Variants in ANKRD20A1 observed in about 807,000 individuals in gnomAD.
ANKRD20A1 encodes the protein ankyrin repeat domain-containing protein 20A1.
Under a neutral mutation model 50.9 loss-of-function variants are expected in ANKRD20A1, and 2 were observed. The observed-to-expected ratio is 0.04, with a 90% confidence interval of 0.02 to 0.12. The LOEUF (loss-of-function observed/expected upper bound fraction) is 0.12. Among genes scored for constraint, ANKRD20A1 ranks in the 10% least tolerant of loss-of-function variants. ANKRD20A1 has a pLI of 1.00. For missense variants in ANKRD20A1, 31 were observed against 548.1 expected, an observed-to-expected ratio of 0.06 and a Z score of 9.42; for synonymous variants, 10 against 186.2, an observed-to-expected ratio of 0.05 and a Z score of 7.70.
In ANKRD20A1 at chr9:67,884,532, A is replaced by G. The variant is rs139276025; in HGVS notation, c.941A>G (p.His314Arg). The G allele has an allele frequency of 1.4e-3, 2,242 of 1,590,782 alleles. 11 individuals are homozygous for G. The highest frequency in any genetic ancestry group is 1.8e-3 in the Admixed American group (107 of 58,878). The change falls in exon 9 of 15, where the codon CAT becomes CGT. Residue 314 changes from histidine to arginine, a missense_variant. His to Arg is a conservative substitution (Grantham distance 29). Coordinates refer to ENST00000562196, the MANE Select transcript of ANKRD20A1 (RefSeq NM_032250.5). ...KVSEPLPGSS[H>R]EKGNRIVNGQ... Reference sequence around the variant, plus strand: ...TCAGAGCCTTTACCTGGATCTTCGCATGAAAAAGGAAACAGAATAGTCAAT... The same window carrying G: ...TCAGAGCCTTTACCTGGATCTTCGCGTGAAAAAGGAAACAGAATAGTCAAT...
intron 11 of ANKRD20A1, among the ~76,000 whole-genome samples, chr9:67,891,202 G>A (rs1469000541): frequency 1.7e-5 from 2 of 117,138 alleles, no homozygotes; most frequent in Non-Finnish European, 3.6e-5. Flanking sequence ...GCTGAGGCAG[G>A]AGAATCACTT....
In ANKRD20A1 at chr9:67,884,484, A is replaced by G. The variant is rs752234017; in HGVS notation, c.895-2A>G. On this transcript the variant is annotated splice_acceptor_variant, in intron 8 of 14. Transcript: ENST00000562196. LOFTEE classifies it high-confidence loss of function. ...GGAAACTAATTCTTGATATTACCTTAGCAGTGTGTCCCCGAGAAAGTGTCA... is the reference window on the plus strand; with the variant it reads ...GGAAACTAATTCTTGATATTACCTTGGCAGTGTGTCCCCGAGAAAGTGTCA... 2 of 1,583,520 alleles carry G rather than the reference A, an allele frequency of 1.3e-6. No homozygotes were observed. Among genetic ancestry groups the G allele is most frequent in the African/African-American group, 2.7e-5 (2 of 74,318 alleles).
intron 3 of ANKRD20A1, among the ~76,000 whole-genome samples, chr9:67,866,010 T>G (rs1342424242): frequency 1.3e-3 from 197 of 150,738 alleles, no homozygotes; most frequent in African/African-American, 4.1e-3. Flanking sequence ...GAAGCCTTTT[T>G]AGGTTATTCC....
At chr9:67,893,932 G>A (rs1295556860) in intron 12 of ANKRD20A1, among the ~76,000 whole-genome samples, 1 of 152,308 alleles carries the variant, frequency 6.6e-6, no homozygotes, top group Non-Finnish European at 1.5e-5. Flanking sequence ...CATTGCCAGT[G>A]GTTCAAATGT....
At chr9:67,885,596 C>G (rs1358861792) in intron 9 of ANKRD20A1, among the ~76,000 whole-genome samples, 1 of 151,998 alleles carries the variant, frequency 6.6e-6, no homozygotes, top group Non-Finnish European at 1.5e-5. Context: ...ATTAAAAGTT[C>G]ATTAGAAACA....
chr9:67,885,435 C>G (rs1432972278), intron 9 of ANKRD20A1, among the ~76,000 whole-genome samples: 3 of 152,308 alleles, frequency 2.0e-5, no homozygotes, highest in African/African-American at 7.2e-5. Flanking sequence ...AGATGAACAT[C>G]ACCAAAAATG....
rs1216012404 is a variant in ANKRD20A1, at chr9:67,860,855, C to A, written c.203+1226C>A. On this transcript the variant is annotated intron_variant, in intron 1 of 14. Transcript: ENST00000562196. ...TCCTATAAATAAATTTCAGTTGCAT[C>A]CATAGGATGGAATAATATGTGACCA... Among the ~76,000 whole-genome samples, 4 of 33,300 alleles carry A rather than the reference C, an allele frequency of 1.2e-4. 1 individual carries two copies. The highest frequency in any genetic ancestry group is 1.0e-3 in the Admixed American group (4 of 3,932). The allele number at this position is 33,300 out of a possible 152,430, so 21.8% of individuals were successfully genotyped here.
rs1587603158 is a variant in ANKRD20A1, at chr9:67,884,628, C to A, written c.979+58C>A. 6 of 1,577,866 alleles carry A rather than the reference C, an allele frequency of 3.8e-6. No homozygotes were observed. In the South Asian group the frequency reaches 5.5e-5, roughly 15 times the overall value. Reference sequence around the variant, plus strand: ...GATGGAGGCCGGGTGCGGTGGCTCACGCCTGTAATCCCAGCACTTTGGGAG... The same window carrying A: ...GATGGAGGCCGGGTGCGGTGGCTCAAGCCTGTAATCCCAGCACTTTGGGAG... On this transcript the variant is annotated intron_variant, in intron 9 of 14. Coordinates refer to ENST00000562196, the MANE Select transcript of ANKRD20A1 (RefSeq NM_032250.5).
In ANKRD20A1 at chr9:67,896,122, C is replaced by G. The variant is rs1395264506; in HGVS notation, c.1153-1437C>G. 2.7e-4 allele frequency among the ~76,000 whole-genome samples: 14 copies of G among 51,780 alleles called. 1 individual carries two copies. Among genetic ancestry groups the G allele is most frequent in the African/African-American group, 6.6e-4 (12 of 18,184 alleles). 34.0% of individuals were successfully genotyped at this position (51,780 alleles called of 152,430 possible). On this transcript the variant is annotated intron_variant, in intron 12 of 14. Transcript: ENST00000562196. Reference sequence around the variant, plus strand: ...AAAGAAATTGCTAAAGAAACAAGCTCTAGATTCTAGATTCTTTTTTCTTGT... The same window carrying G: ...AAAGAAATTGCTAAAGAAACAAGCTGTAGATTCTAGATTCTTTTTTCTTGT...
rs1346256480 is a variant in ANKRD20A1 at position 67,889,430 on chromosome 9, AAC to A, written c.1081+1968_1081+1969del. Reference sequence around the variant, plus strand: ...GAAGTTTTTGTCTCTAGTACAGAGAAACACACAATATTGTCATGGGTATTTGA... The same window carrying A: ...GAAGTTTTTGTCTCTAGTACAGAGAAACACAATATTGTCATGGGTATTTGA... On this transcript the variant is annotated intron_variant, in intron 11 of 14. Transcript: ENST00000562196. Among the ~76,000 whole-genome samples the A allele has an allele frequency of 4.9e-5, 4 of 82,244 alleles. 2 individuals are homozygous for A. The highest frequency in any genetic ancestry group is 1.0e-4 in the Non-Finnish European group (4 of 39,098). 54.0% of individuals were successfully genotyped at this position (82,244 alleles called of 152,430 possible).
At chr9:67,891,354 A>G (rs1250583269) in intron 11 of ANKRD20A1, among the ~76,000 whole-genome samples, 1 of 126,874 alleles carries the variant, frequency 7.9e-6, no homozygotes, top group Non-Finnish European at 1.7e-5. Flanking sequence ...ACCCAAATGC[A>G]TTTCCTTGGC....
chr9:67,884,777 C>T (rs1385175652), intron 9 of ANKRD20A1, among the ~76,000 whole-genome samples: 3 of 151,012 alleles, frequency 2.0e-5, no homozygotes, highest in Non-Finnish European at 4.4e-5. Flanking sequence ...GTAGTCCCAG[C>T]TACTCAGGAG....
intron 3 of ANKRD20A1, among the ~76,000 whole-genome samples, chr9:67,864,658 C>CAAA (rs1287153657): frequency 2.1e-4 from 3 of 14,586 alleles, no homozygotes; most frequent in Admixed American, 1.1e-3. Context: ...CAATAATAGC[C>CAAA]AAAAAAAAAA....
At chr9:67,866,058 T>C (rs1346104673) in intron 3 of ANKRD20A1, among the ~76,000 whole-genome samples, 1 of 150,830 alleles carries the variant, frequency 6.6e-6, no homozygotes, top group Non-Finnish European at 1.5e-5. Flanking sequence ...TTGCAGACAG[T>C]ACATCTTTCT....
Position 67,868,953 on chromosome 9 carries a change from A to G in ANKRD20A1, c.737+387A>G, listed in dbSNP as rs1347915293. Among the ~76,000 whole-genome samples the G allele has an allele frequency of 4.1e-5, 3 of 72,676 alleles. 1 individual carries two copies. Among genetic ancestry groups the G allele is most frequent in the African/African-American group, 1.2e-4 (3 of 25,202 alleles). 47.7% of individuals were successfully genotyped at this position (72,676 alleles called of 152,430 possible). On this transcript the variant is annotated intron_variant, in intron 5 of 14. Coordinates refer to ENST00000562196, the MANE Select transcript of ANKRD20A1 (RefSeq NM_032250.5). ...GGTCTTGAACTTTTGAGGTCAAGTA[A>G]TCCCCCTGCCTCGGCCTCTGAAAGT...
chr9:67,882,919 G>A (rs1323933430), intron 8 of ANKRD20A1, among the ~76,000 whole-genome samples: 1 of 151,120 alleles, frequency 6.6e-6, no homozygotes, highest in Non-Finnish European at 1.5e-5. Flanking sequence ...AGTTTGCTCA[G>A]AACGATGGTT....
At position 67,860,420 on chromosome 9, in the gene ANKRD20A1, T is replaced by C. The variant is rs2131547473; in HGVS notation, c.203+791T>C. The C allele has an allele frequency of 4.2e-5, 2 of 47,704 alleles. 1 individual carries two copies. Among genetic ancestry groups the C allele is most frequent in the South Asian group, 1.2e-3 (2 of 1,636 alleles). The allele number at this position is 47,704 out of a possible 1,614,324, so 3.0% of individuals were successfully genotyped here. A position where few individuals can be genotyped will look rare whatever the true frequency, so the allele number is the denominator to read the frequency against. On this transcript the variant is annotated intron_variant, in intron 1 of 14. Transcript: ENST00000562196. ...ATACATATATAACACATATGTTATA[T>C]ATATCAGTTATATATACACATTAGA...
chr9:67,881,524 T>G (rs1301305066), intron 8 of ANKRD20A1, among the ~76,000 whole-genome samples: 1 of 151,812 alleles, frequency 6.6e-6, no homozygotes, highest in African/African-American at 2.4e-5. Flanking sequence ...CCCAGCAGTT[T>G]TGGAGGCCGA....
chr9:67,882,921 A>G, intron 8 of ANKRD20A1, among the ~76,000 whole-genome samples: 1 of 151,154 alleles, frequency 6.6e-6, no homozygotes, highest in Non-Finnish European at 1.5e-5. Context: ...TTTGCTCAGA[A>G]CGATGGTTTC....
Sources: allele counts gnomAD v4.1 joint callset (sites outside exome capture counted in the v4.1 genomes callset), GRCh38; gene constraint gnomAD v4.1.1; transcripts MANE v1.5; gene names NCBI Gene and HGNC (gene_info 2026-07-23, HGNC 2026-07-21).